Variants in TAF1 observed in about 807,000 individuals in gnomAD.
The protein encoded by TAF1 is TATA-box binding protein associated factor 1.
In TAF1, 2 loss-of-function variants were observed where a neutral mutation model predicts 138.5. The ratio of observed to expected loss-of-function variants is 0.01; its 90% CI spans 0.01 to 0.05. The LOEUF (loss-of-function observed/expected upper bound fraction) is 0.05, where lower values mean the gene tolerates loss of function less well. TAF1 is among the 10% of genes least tolerant of loss of function. The pLI is 1.00. For missense variants in TAF1, 709 were observed against 1,478.0 expected (o/e 0.48, Z 8.53); for synonymous variants, 437 against 503.2 (o/e 0.87, Z 1.76).
intron 11 of TAF1, 54 bp downstream of exon 11, chrX:71,382,922 C>T (rs1191845786): frequency 2.4e-5 from 28 of 1,189,478 alleles, no homozygotes; most frequent in South Asian, 5.6e-5. Flanking sequence ...TTTGTTCTGA[C>T]GGAGGATATG....
At chrX:71,389,754 A>T in intron 18 of TAF1, 89 bp downstream of exon 18, 1 of 714,698 alleles carries the variant, frequency 1.4e-6, no homozygotes, top group Middle Eastern at 3.9e-4. Context: ...ACATAAAATA[A>T]ACTGTACACA....
At chrX:71,496,382 A>G (rs1233315589) in intron 13 of TAF1, among the ~76,000 whole-genome samples, 1 of 112,434 alleles carries the variant, frequency 8.9e-6, no homozygotes, top group East Asian at 2.8e-4. Flanking sequence ...TTGTAGGGTC[A>G]TGGAGAAGAC....
At chrX:71,400,884 A>G (rs921977719) in intron 24 of TAF1, among the ~76,000 whole-genome samples, 3 of 111,969 alleles carry the variant, frequency 2.7e-5, no homozygotes. Flanking sequence ...TTACAGATGA[A>G]ACTGAGGTCT....
intron 2 of TAF1, 100 bp from the exon 3 acceptor site, chrX:71,367,954 A>G: frequency 1.1e-6 from 1 of 926,173 alleles, no homozygotes; most frequent in Non-Finnish European, 1.5e-6. Context: ...TACAGGCGTG[A>G]GCCACCGCAT....
intron 28 of TAF1, among the ~76,000 whole-genome samples, chrX:71,418,760 GA>G (rs2036164282): frequency 1.0e-5 from 1 of 98,426 alleles, no homozygotes; most frequent in Non-Finnish European, 2.0e-5. Flanking sequence ...TCAGTATGGA[GA>G]TTTTTTTTTT....
intron 28 of TAF1, among the ~76,000 whole-genome samples, chrX:71,410,443 A>AT (rs2035715365): frequency 2.2e-5 from 2 of 92,772 alleles, no homozygotes; most frequent in African/African-American, 8.2e-5. Context: ...CTTTAGGGGC[A>AT]TTTCTTTTTT....
At chrX:71,500,097 G>T (rs1044750459) in intron 13 of TAF1, among the ~76,000 whole-genome samples, 37 of 110,788 alleles carry the variant, frequency 3.3e-4, no homozygotes, top group Admixed American at 2.2e-3. Context: ...TCTGGGTGGG[G>T]GAGATTAGAG....
chrX:71,505,130 CA>C (rs778536562), intron 13 of TAF1, among the ~76,000 whole-genome samples: 3 of 109,065 alleles, frequency 2.8e-5, no homozygotes, highest in Non-Finnish European at 3.8e-5. Context: ...GACCCCATAT[CA>C]AAAAAATATA....
chrX:71,508,930 C>T (rs1372535221), intron 13 of TAF1, among the ~76,000 whole-genome samples: 1 of 109,576 alleles, frequency 9.1e-6, no homozygotes, highest in Non-Finnish European at 1.9e-5. Context: ...CCTCAGCCTC[C>T]TGAGTAGCTG....
At chrX:71,389,818 C>T (rs1021372211) in intron 18 of TAF1, 153 bp downstream of exon 18, 15 of 388,576 alleles carry the variant, frequency 3.9e-5, no homozygotes, top group Non-Finnish European at 6.0e-5. Flanking sequence ...AAAAATGATG[C>T]GATATATCAA....
Position 71,377,735 on chromosome X carries a change from G to A in TAF1, c.847G>A (p.Val283Ile). The change falls in exon 6 of 38, where the codon GTA (valine) becomes ATA (isoleucine). Residue 283 changes from valine (V) to isoleucine (I), a missense_variant. Val to Ile is a conservative substitution (Grantham distance 29). This residue lies in a region of TAF1 where 26 missense variants were observed against 20.9 expected (regional missense o/e 1.25). Transcript: ENST00000423759. ...GCAGATCCAGGAGGTGGAGTGCTCA[G>A]TAGAATCAGAAGTCAGCCAGAAGTC... is the stretch of plus-strand genomic sequence containing the variant. ...EEQIQEVECS[V>I]ESEVSQKSLW... 1 of 1,211,949 alleles carries A rather than the reference G, an allele frequency of 8.3e-7. No homozygotes were observed. Among genetic ancestry groups the A allele is most frequent in the Non-Finnish European group, 1.1e-6 (1 of 895,618 alleles).
intron 32 of TAF1, among the ~76,000 whole-genome samples, chrX:71,435,558 G>A (rs2037096547): frequency 9.0e-6 from 1 of 111,636 alleles, no homozygotes; most frequent in African/African-American, 3.3e-5. Context: ...ACAATTGTAG[G>A]GCTCACTTCA....
intron 8 of TAF1, 72 bp downstream of exon 8, chrX:71,379,103 T>G: frequency 2.4e-6 from 2 of 822,285 alleles, no homozygotes; most frequent in Non-Finnish European, 3.3e-6. Context: ...GGCTCAGCTG[T>G]GATTTTTTTT....
chrX:71,404,665 T>C (rs757532958), intron 25 of TAF1, among the ~76,000 whole-genome samples: 9 of 111,767 alleles, frequency 8.1e-5, no homozygotes, highest in Non-Finnish European at 7.5e-5. Context: ...ATTACAACTT[T>C]ATACTGATAC....
At chrX:71,380,716 CAAGA>C (rs2033825981) in intron 8 of TAF1, among the ~76,000 whole-genome samples, 1 of 112,005 alleles carries the variant, frequency 8.9e-6, no homozygotes, top group Admixed American at 9.5e-5. Context: ...TTTTTTGAGA[CAAGA>C]GTCTCTGTCG....
intron 13 of TAF1, among the ~76,000 whole-genome samples, chrX:71,475,601 GA>G (rs1200930974): frequency 1.3e-4 from 12 of 93,026 alleles, no homozygotes; most frequent in African/African-American, 5.8e-4. Context: ...AAAAAAAAAA[GA>G]AAAAGAAAAA....
chrX:71,376,921 G>A, intron 4 of TAF1, 29 bp from the exon 5 acceptor site: 4 of 1,207,655 alleles, frequency 3.3e-6, no homozygotes, highest in Non-Finnish European at 4.5e-6. Context: ...ACAGTTACAT[G>A]CCAAAGGGGT....
chrX:71,426,715 C>CA (rs972830149), intron 32 of TAF1, among the ~76,000 whole-genome samples: 297 of 82,604 alleles, frequency 3.6e-3, no homozygotes, highest in East Asian at 0.019. Flanking sequence ...AACTCCATCT[C>CA]AAAAAAAAAA....
intron 32 of TAF1, among the ~76,000 whole-genome samples, chrX:71,442,980 TG>T (rs2037504544): frequency 9.0e-6 from 1 of 111,600 alleles, no homozygotes; most frequent in South Asian, 3.7e-4. Flanking sequence ...TGTAGATGTG[TG>T]GTATTATTTC....
Sources: allele counts gnomAD v4.1 joint callset (sites outside exome capture counted in the v4.1 genomes callset), GRCh38; gene constraint gnomAD v4.1.1; regional missense constraint gnomAD v4.1.1; transcripts MANE v1.5; gene names NCBI Gene and HGNC (gene_info 2026-07-23, HGNC 2026-07-21).